Variants in TLE7 observed in about 807,000 individuals in gnomAD.
The protein encoded by TLE7 is TLE family member 7, also known as transducin-like enhancer protein 7.
In TLE7 at chr16:71,432,304, C is replaced by T; in HGVS notation, c.415G>A (p.Val139Met). 1 of 400,902 alleles carries T rather than the reference C, an allele frequency of 2.5e-6. No individual in the cohort carries two copies. The highest frequency in any genetic ancestry group is 3.6e-5 in the East Asian group (1 of 28,058). 24.8% of individuals were successfully genotyped at this position (400,902 alleles called of 1,614,324 possible). Residue 139 changes from valine to methionine, a missense_variant, in exon 5 of 10, where the codon GTG becomes ATG. Physicochemically the swap from Val to Met is conservative, Grantham distance 21. Transcript: ENST00000561754. ...RAIPPIPDEV[V>M]VRQKRAPQGS... ...TGTGGGGCCCTCTTCTGCCTGACCA[C>T]AACTTCATCTGGAATGGGGGGCTAG...
chr16:71,434,524 C>T (rs182438019), intron 1 of TLE7, among the ~76,000 whole-genome samples: 77 of 152,332 alleles, frequency 5.1e-4, no homozygotes, highest in African/African-American at 1.5e-3. Context: ...CAAACACCCA[C>T]GAACTCTATG....
intron 1 of TLE7, among the ~76,000 whole-genome samples, chr16:71,436,175 G>A (rs560628361): frequency 2.7e-4 from 41 of 152,220 alleles, no homozygotes; most frequent in East Asian, 5.8e-4. Context: ...GAAGGAAGAA[G>A]GTCAAACCCT....
intron 1 of TLE7, among the ~76,000 whole-genome samples, chr16:71,435,176 G>T (rs2042821562): frequency 6.6e-6 from 1 of 152,238 alleles, no homozygotes; most frequent in Non-Finnish European, 1.5e-5. Context: ...ACTTTGGGAG[G>T]CCGAGGCAGG....
intron 1 of TLE7, among the ~76,000 whole-genome samples, chr16:71,436,313 G>A (rs1403708986): frequency 6.6e-6 from 1 of 152,096 alleles, no homozygotes; most frequent in Non-Finnish European, 1.5e-5. Context: ...GCTTTTAAAC[G>A]TGAGCCTAAT....
At chr16:71,437,538 A>AC (rs202055109) in intron 1 of TLE7, among the ~76,000 whole-genome samples, 12,436 of 152,194 alleles carry the variant, frequency 0.082, 614 homozygotes, top group Middle Eastern at 0.16. Flanking sequence ...TGTTTCTAAC[A>AC]AGTTCCCGAT....
intron 1 of TLE7, among the ~76,000 whole-genome samples, chr16:71,438,168 C>G (rs1490466149): frequency 6.6e-6 from 1 of 152,144 alleles, no homozygotes; most frequent in Non-Finnish European, 1.5e-5. Flanking sequence ...CACAGTGGTT[C>G]ACAGCCGTAA....
At chr16:71,440,004 G>A (rs1026737987) in intron 1 of TLE7, among the ~76,000 whole-genome samples, 5 of 152,166 alleles carry the variant, frequency 3.3e-5, no homozygotes, top group Non-Finnish European at 5.9e-5. Context: ...AATATACAAC[G>A]GAGCATTACT....
intron 4 of TLE7, 123 bp downstream of exon 4, chr16:71,432,542 A>G (rs1203257912): frequency 2.5e-6 from 1 of 397,864 alleles, no homozygotes; most frequent in African/African-American, 2.1e-5. Flanking sequence ...CATAGCTCAA[A>G]AGGAGCAGGA....
At chr16:71,441,645 G>A (rs1346936002) in intron 1 of TLE7, among the ~76,000 whole-genome samples, 2 of 152,236 alleles carry the variant, frequency 1.3e-5, no homozygotes, top group East Asian at 3.9e-4. Flanking sequence ...GGCACCAAGG[G>A]CCGGGGGCAG....
rs376615986 is a variant in TLE7 at position 71,433,688 on chromosome 16, G to A, written c.-96-268C>T. On this transcript the variant is annotated intron_variant, in intron 1 of 9. Transcript: ENST00000561754. ...AAAATCAAACTCACCTGCCGGGCAC[G>A]GTGGCTCACACCTGTAATCCCAGCT... 1.3e-4 allele frequency among the ~76,000 whole-genome samples: 20 copies of A among 152,324 alleles called. No homozygotes were observed. In the East Asian group the frequency reaches 2.1e-3, roughly 16 times the overall value.
In TLE7 at chr16:71,439,988, G is replaced by C. The variant is rs4393579; in HGVS notation, c.-97+1981C>G. On this transcript the variant is annotated intron_variant, in intron 1 of 9. Transcript: ENST00000561754. ...CCAATTGAAGAATGGATCAAAATGT[G>C]GTGTAAATATACAACGGAGCATTAC... 3.7e-3 allele frequency among the ~76,000 whole-genome samples: 557 copies of C among 152,266 alleles called. 7 individuals carry two copies. The highest frequency in any genetic ancestry group is 0.012 in the African/African-American group (511 of 41,530).
chr16:71,434,143 T>TTC lies in TLE7; in HGVS notation c.-96-724_-96-723insGA, dbSNP rs532280820. On this transcript the variant is annotated intron_variant, in intron 1 of 9. Transcript: ENST00000561754. The stretch of plus-strand genomic sequence containing the variant: ...GTGTCCTACTTGGACGGGGCAAGGC[T>TTC]ATCTAATGATGAAGTTGGCTTGGAG... Among the ~76,000 whole-genome samples, 36 of 152,322 alleles carry TTC rather than the reference T, an allele frequency of 2.4e-4. 1 individual carries two copies. In the South Asian group the frequency reaches 4.3e-3, roughly 18 times the overall value.
chr16:71,433,234 C>T lies in TLE7; in HGVS notation c.91G>A (p.Val31Ile), dbSNP rs953823663. ...ERRDVLESSG[V>I]SSQPEPQVQQ... ...ACTTGTGGCTCAGGCTGAGAGGAAA[C>T]GCCAGAGCTTTCCAGCACATCCCTC... The change falls in exon 2 of 10, where the codon GTT becomes ATT. Residue 31 changes from valine (V) to isoleucine (I), a missense_variant. Transcript: ENST00000561754. 4.0e-5 allele frequency: 16 copies of T among 398,640 alleles called. No individual in the cohort carries two copies. The highest frequency in any genetic ancestry group is 6.2e-5 in the African/African-American group (3 of 48,638). The allele number at this position is 398,640 out of a possible 1,614,324, so 24.7% of individuals were successfully genotyped here.
chr16:71,434,436 T>TG (rs1280377102), intron 1 of TLE7, among the ~76,000 whole-genome samples: 1 of 152,072 alleles, frequency 6.6e-6, no homozygotes, highest in Non-Finnish European at 1.5e-5. Context: ...GCCTTAGGGA[T>TG]GGGACAAGAC....
At chr16:71,434,842 G>T (rs1293600974) in intron 1 of TLE7, among the ~76,000 whole-genome samples, 3 of 152,170 alleles carry the variant, frequency 2.0e-5, no homozygotes, top group Admixed American at 1.3e-4. Context: ...CCGATGCAGT[G>T]ACCTTTAACC....
chr16:71,430,712 G>A lies in TLE7; in HGVS notation c.1177C>T (p.Arg393Cys), dbSNP rs964227472. 1.5e-5 allele frequency: 6 copies of A among 398,526 alleles called. No individual in the cohort carries two copies. The highest frequency in any genetic ancestry group is 6.2e-5 in the African/African-American group (3 of 48,634). The allele number at this position is 398,526 out of a possible 1,614,324, so 24.7% of individuals were successfully genotyped here. A position where few individuals can be genotyped will look rare whatever the true frequency, so the allele number is the denominator to read the frequency against. Residue 393 changes from arginine (R) to cysteine (C), a missense_variant, in exon 9 of 10, where the codon CGC becomes TGC. Arg to Cys is a radical substitution (Grantham distance 180). Coordinates refer to ENST00000561754, the MANE Select transcript of TLE7 (RefSeq NM_001367365.2). ...GSYFVTAIDT[R>C]LSGLEAPSLQ... is the part of the protein sequence containing the mutation. ...GAAGGTGCCTCCAAGCCACTGAGGC[G>A]CGTATCTATCGCGGTCACAAAATAG...
In TLE7 at chr16:71,439,786, G is replaced by T. The variant is rs112840499; in HGVS notation, c.-97+2183C>A. 1.5e-3 allele frequency among the ~76,000 whole-genome samples: 236 copies of T among 152,260 alleles called. 1 individual carries two copies. Among genetic ancestry groups the T allele is most frequent in the African/African-American group, 5.2e-3 (215 of 41,552 alleles). ...CTACGTTGCTGATAGGAATACCACGGAGCAGCCACTGTGAAAAACAGTTTG... is the reference window on the plus strand; with the variant it reads ...CTACGTTGCTGATAGGAATACCACGTAGCAGCCACTGTGAAAAACAGTTTG... On this transcript the variant is annotated intron_variant, in intron 1 of 9. Coordinates refer to ENST00000561754, the MANE Select transcript of TLE7 (RefSeq NM_001367365.2).
At chr16:71,434,453 C>G (rs576737775) in intron 1 of TLE7, among the ~76,000 whole-genome samples, 1 of 152,060 alleles carries the variant, frequency 6.6e-6, no homozygotes, top group Non-Finnish European at 1.5e-5. Context: ...AGACAATGCG[C>G]GGGGAAAGGA....
intron 1 of TLE7, among the ~76,000 whole-genome samples, chr16:71,434,170 T>A (rs1403637861): frequency 6.6e-6 from 1 of 152,038 alleles, no homozygotes; most frequent in African/African-American, 2.4e-5. Context: ...GGCTTGGAGG[T>A]GATTACTATT....
Sources: allele counts gnomAD v4.1 joint callset (sites outside exome capture counted in the v4.1 genomes callset), GRCh38; gene constraint gnomAD v4.1.1; transcripts MANE v1.5; gene names NCBI Gene and HGNC (gene_info 2026-07-23, HGNC 2026-07-21).